The following HIVEP3 variants were observed in gnomAD, a reference collection of about 807,000 sequenced individuals.
The protein encoded by HIVEP3 is HIVEP zinc finger 3.
HIVEP3 carries 49 observed loss-of-function variants against 152.8 expected under a neutral mutation model. That is an observed-to-expected ratio of 0.32 (90% CI 0.26 to 0.41). The LOEUF (loss-of-function observed/expected upper bound fraction) is 0.41, where lower values mean the gene tolerates loss of function less well. HIVEP3 is among the 10% of genes least tolerant of loss of function. The probability of loss-of-function intolerance (pLI) is 1.00; values close to 1 mark genes in which losing one functional copy is unlikely to be tolerated. For synonymous variants in HIVEP3, 1,269 were observed against 1,289.0 expected (o/e 0.98, Z 0.33); for missense variants, 2,790 against 3,103.3 (o/e 0.90, Z 2.40).
intron 2 of HIVEP3, among the ~76,000 whole-genome samples, chr1:41,636,820 A>G (rs1027267329): frequency 3.3e-5 from 5 of 152,160 alleles, no homozygotes; most frequent in African/African-American, 1.2e-4. Context: ...TTAGCCCAGC[A>G]TGGTGGCACA....
At chr1:41,961,236 G>C (rs145543274) in intron 1 of HIVEP3, among the ~76,000 whole-genome samples, 343 of 152,322 alleles carry the variant, frequency 2.3e-3, no homozygotes, top group East Asian at 0.011. Flanking sequence ...TGCAATGCCA[G>C]CTCCAACCAT....
chr1:41,654,487 T>C (rs1645601035), intron 2 of HIVEP3, among the ~76,000 whole-genome samples: 1 of 152,206 alleles, frequency 6.6e-6, no homozygotes, highest in Admixed American at 6.5e-5. Context: ...ATTTTTGGAA[T>C]AGTTTTAGAT....
At chr1:41,619,470 G>T (rs6600384) in intron 3 of HIVEP3, among the ~76,000 whole-genome samples, 1 of 152,004 alleles carries the variant, frequency 6.6e-6, no homozygotes, top group African/African-American at 2.4e-5. Context: ...GTGTAGTGAC[G>T]ATATGTTTGT....
At chr1:41,701,055 A>G in intron 1 of HIVEP3, 60 bp from the exon 2 acceptor site, 1 of 841,872 alleles carries the variant, frequency 1.2e-6, no homozygotes, top group Non-Finnish European at 1.4e-6. Context: ...CTTTCATCTG[A>G]GTTTGAAAAA....
intron 1 of HIVEP3, among the ~76,000 whole-genome samples, chr1:41,705,773 C>G (rs1470593585): frequency 6.6e-6 from 1 of 152,140 alleles, no homozygotes; most frequent in Non-Finnish European, 1.5e-5. Context: ...GTGTAGTCAT[C>G]CCAATTCCCA....
In HIVEP3 at chr1:41,582,581, G is replaced by A. The variant is rs759069210; in HGVS notation, c.2217C>T (p.Ser739=). 1 of 1,612,556 alleles carries A rather than the reference G, an allele frequency of 6.2e-7. No individual in the cohort carries two copies. Among genetic ancestry groups the A allele is most frequent in the South Asian group, 1.1e-5 (1 of 90,856 alleles). Residue 739 remains serine (S), a synonymous_variant, in exon 4 of 9, where the codon AGC becomes AGT. Transcript: ENST00000372583. The surrounding 1 kb of genome is among the most constrained non-coding windows in gnomAD (Gnocchi z 4.7). ...AFESTKSQFG[S]PGPSDAARNL... ...TCCGAGCAGCATCAGATGGCCCGGG[G>A]CTGCCAAACTGACTTTTTGTGGACT...
At chr1:42,017,396 T>C (rs1019667848) in intron 1 of HIVEP3, among the ~76,000 whole-genome samples, 7 of 152,026 alleles carry the variant, frequency 4.6e-5, no homozygotes, top group African/African-American at 1.7e-4. Context: ...AATAACCCCA[T>C]CCCATACCAT....
At chr1:41,769,284 C>CCG (rs1450973374) in intron 1 of HIVEP3, among the ~76,000 whole-genome samples, 1 of 152,188 alleles carries the variant, frequency 6.6e-6, no homozygotes, top group Non-Finnish European at 1.5e-5. Context: ...GCCAACCCTA[C>CCG]GGGGGGTTAG....
rs112040160 is a variant in HIVEP3 at position 41,563,895 on chromosome 1, GA to G, written c.5207+11648del. 2.2e-3 allele frequency among the ~76,000 whole-genome samples: 330 copies of G among 151,648 alleles called. 1 individual carries two copies. The highest frequency in any genetic ancestry group is 5.2e-3 in the South Asian group (25 of 4,808). On this transcript the variant is annotated intron_variant, in intron 5 of 8. Coordinates refer to ENST00000372583, the MANE Select transcript of HIVEP3 (RefSeq NM_024503.5). ...AGGATGCCATTAAAGGGACATTCAA[GA>G]AAAAAAAATTCTTGAAAACTGAAAA...
At chr1:41,742,046 G>A (rs1205598435) in intron 1 of HIVEP3, among the ~76,000 whole-genome samples, 1 of 152,168 alleles carries the variant, frequency 6.6e-6, no homozygotes, top group Admixed American at 6.5e-5. Flanking sequence ...CTGACTTGTA[G>A]TTTAGCCCTG....
chr1:41,838,398 T>A (rs1451316987), intron 1 of HIVEP3, among the ~76,000 whole-genome samples: 1 of 152,100 alleles, frequency 6.6e-6, no homozygotes, highest in Admixed American at 6.5e-5. Context: ...TTCCTATAAC[T>A]GTGTCATTTC....
intron 2 of HIVEP3, among the ~76,000 whole-genome samples, chr1:41,644,693 CT>C (rs60511656): frequency 0.12 from 8,767 of 74,504 alleles, 154 homozygotes; most frequent in Non-Finnish European, 0.14. Flanking sequence ...CATATCTGTT[CT>C]TTTTTTTTTT....
intron 1 of HIVEP3, among the ~76,000 whole-genome samples, chr1:41,965,475 A>C (rs1005819583): frequency 6.6e-6 from 1 of 152,232 alleles, no homozygotes; most frequent in African/African-American, 2.4e-5. Flanking sequence ...AGAAGCTAAG[A>C]AGCATGATAA....
At chr1:41,697,956 G>A (rs1012066210) in intron 2 of HIVEP3, among the ~76,000 whole-genome samples, 3 of 152,192 alleles carry the variant, frequency 2.0e-5, no homozygotes, top group Non-Finnish European at 4.4e-5. Context: ...CCCTGGCTAA[G>A]CCACTTCACA....
At position 41,551,235 on chromosome 1, in the gene HIVEP3, C is replaced by A. The variant is rs569042167; in HGVS notation, c.5207+24309G>T. On this transcript the variant is annotated intron_variant, in intron 5 of 8. Transcript: ENST00000372583. ...GTCCCAGGGATGAAGCCACGTTGAT[C>A]GTGGTGGATAAGCTTTTTGATGTGC... Among the ~76,000 whole-genome samples, 204 of 152,288 alleles carry A rather than the reference C, an allele frequency of 1.3e-3. 1 individual carries two copies. The highest frequency in any genetic ancestry group is 4.1e-3 in the South Asian group (20 of 4,822).
At chr1:41,981,856 C>T (rs1455482441) in intron 1 of HIVEP3, among the ~76,000 whole-genome samples, 2 of 152,176 alleles carry the variant, frequency 1.3e-5, no homozygotes, top group African/African-American at 4.8e-5. Context: ...GCACTTCAGT[C>T]TCGTGGCAAG....
chr1:41,993,988 T>C (rs1177468474), intron 1 of HIVEP3, among the ~76,000 whole-genome samples: 1 of 112,084 alleles, frequency 8.9e-6, no homozygotes, highest in African/African-American at 3.5e-5. Context: ...CATCACACTC[T>C]GGGGACTGTT....
At chr1:41,670,769 C>T (rs925202059) in intron 2 of HIVEP3, among the ~76,000 whole-genome samples, 2 of 152,130 alleles carry the variant, frequency 1.3e-5, no homozygotes, top group Non-Finnish European at 2.9e-5. Flanking sequence ...AATTAAGCCA[C>T]GCAGTTACTA....
chr1:41,973,074 A>ACACACACC (rs1553139439), intron 1 of HIVEP3, among the ~76,000 whole-genome samples: 12 of 151,894 alleles, frequency 7.9e-5, no homozygotes, highest in African/African-American at 2.9e-4. Context: ...ACACACACAC[A>ACACACACC]ATTATGAAAG....
Sources: allele counts gnomAD v4.1 joint callset (sites outside exome capture counted in the v4.1 genomes callset), GRCh38; gene constraint gnomAD v4.1.1; non-coding constraint Gnocchi (gnomAD v3.1); transcripts MANE v1.5; gene names NCBI Gene and HGNC (gene_info 2026-07-23, HGNC 2026-07-21).